The following ENPP6 variants were observed in gnomAD, a reference collection of about 807,000 sequenced individuals.
The protein encoded by ENPP6 is ectonucleotide pyrophosphatase/phosphodiesterase 6, also known as glycerophosphocholine cholinephosphodiesterase ENPP6.
ENPP6 carries 32 observed loss-of-function variants against 42.0 expected under a neutral mutation model. The ratio of observed to expected loss-of-function variants is 0.76; its 90% CI spans 0.58 to 1.02. The LOEUF (loss-of-function observed/expected upper bound fraction) is 1.02. Among genes scored for constraint, ENPP6 ranks in the 50% least tolerant of loss-of-function variants. The pLI is 0.00. For synonymous variants in ENPP6, 213 were observed against 216.0 expected (o/e 0.99, Z 0.12); for missense variants, 552 against 566.8 (o/e 0.97, Z 0.27).
intron 6 of ENPP6, among the ~76,000 whole-genome samples, chr4:184,105,793 A>C (rs1736078397): frequency 6.6e-6 from 1 of 152,242 alleles, no homozygotes; most frequent in South Asian, 2.1e-4. Context: ...TGATCCAGGC[A>C]AGAAAAATTA....
chr4:184,130,482 C>T lies in ENPP6; in HGVS notation c.422-6210G>A, dbSNP rs917014602. 2.6e-5 allele frequency among the ~76,000 whole-genome samples: 2 copies of T among 78,112 alleles called. 1 individual carries two copies. The highest frequency in any genetic ancestry group is 5.8e-5 in the Non-Finnish European group (2 of 34,738). 51.2% of individuals were successfully genotyped at this position (78,112 alleles called of 152,430 possible). A position where few individuals can be genotyped will look rare whatever the true frequency, so the allele number is the denominator to read the frequency against. On this transcript the variant is annotated intron_variant, in intron 2 of 7. Transcript: ENST00000296741. Reference sequence around the variant, plus strand: ...CTGAGGCAGGAGAATGGCGTGAACCCGGGAGGCGGAGCTTGCAGTGAGCCG... The same window carrying T: ...CTGAGGCAGGAGAATGGCGTGAACCTGGGAGGCGGAGCTTGCAGTGAGCCG...
At chr4:184,158,504 A>G (rs1207907636) in intron 1 of ENPP6, among the ~76,000 whole-genome samples, 1 of 152,224 alleles carries the variant, frequency 6.6e-6, no homozygotes, top group African/African-American at 2.4e-5. Flanking sequence ...AAATGAAGGA[A>G]GAAGTGTACA....
chr4:184,131,152 T>A lies in ENPP6; in HGVS notation c.422-6880A>T, dbSNP rs1044175013. ...TCCACCAGCACTTACTTTCTTTCTT[T>A]CTTTCTTTCTTTCTTTCTTTCTTTC... is the stretch of plus-strand genomic sequence containing the variant. On this transcript the variant is annotated intron_variant, in intron 2 of 7. Transcript: ENST00000296741. 3.9e-4 allele frequency among the ~76,000 whole-genome samples: 19 copies of A among 48,228 alleles called. 1 individual carries two copies. Among genetic ancestry groups the A allele is most frequent in the East Asian group, 1.9e-3 (4 of 2,152 alleles). The allele number at this position is 48,228 out of a possible 152,430, so 31.6% of individuals were successfully genotyped here.
chr4:184,211,971 G>C (rs1366872093), intron 1 of ENPP6, among the ~76,000 whole-genome samples: 1 of 147,404 alleles, frequency 6.8e-6, no homozygotes, highest in Non-Finnish European at 1.5e-5. Context: ...CATATAAACA[G>C]AGCCAAAGAC....
chr4:184,123,253 T>C (rs4538530), intron 3 of ENPP6, among the ~76,000 whole-genome samples: 152,259 of 152,266 alleles, frequency 1, 76,126 homozygotes, highest in Middle Eastern at 1. Context: ...CTGAGGCAGT[T>C]TTAGGGACAG....
At chr4:184,166,636 T>C (rs546285726) in intron 1 of ENPP6, among the ~76,000 whole-genome samples, 1 of 152,352 alleles carries the variant, frequency 6.6e-6, no homozygotes, top group East Asian at 1.9e-4. Context: ...AATAATTAAT[T>C]ACTGCATTGA....
chr4:184,149,821 T>C (rs1736993002), intron 2 of ENPP6, among the ~76,000 whole-genome samples: 1 of 152,172 alleles, frequency 6.6e-6, no homozygotes. Context: ...GCCCTGCTTA[T>C]CCAAAGAAAT....
intron 6 of ENPP6, among the ~76,000 whole-genome samples, chr4:184,101,919 C>G (rs4467622): frequency 0.37 from 56,406 of 152,064 alleles, 11,472 homozygotes; most frequent in East Asian, 0.6. Flanking sequence ...GGTGAGAAGC[C>G]GCTGCGAGGG....
chr4:184,168,380 G>A (rs917964688), intron 1 of ENPP6, among the ~76,000 whole-genome samples: 5 of 152,162 alleles, frequency 3.3e-5, no homozygotes, highest in Non-Finnish European at 7.3e-5. Flanking sequence ...GGATGGGGCC[G>A]GACAGTCCAT....
At chr4:184,151,200 T>C (rs1005801880) in intron 2 of ENPP6, among the ~76,000 whole-genome samples, 5 of 152,092 alleles carry the variant, frequency 3.3e-5, no homozygotes, top group Non-Finnish European at 7.4e-5. Flanking sequence ...TAGCCAGGCG[T>C]GGTGGTGCAC....
At chr4:184,193,211 A>G (rs1240581281) in intron 1 of ENPP6, among the ~76,000 whole-genome samples, 2 of 152,254 alleles carry the variant, frequency 1.3e-5, no homozygotes, top group Non-Finnish European at 2.9e-5. Context: ...ATTATTCACA[A>G]TGGCCACAAA....
chr4:184,187,292 G>T (rs1732648031), intron 1 of ENPP6, among the ~76,000 whole-genome samples: 1 of 152,198 alleles, frequency 6.6e-6, no homozygotes, highest in Non-Finnish European at 1.5e-5. Flanking sequence ...GGGTCAGCTT[G>T]GGAGAAGTGA....
At chr4:184,202,687 A>C (rs1247805779) in intron 1 of ENPP6, among the ~76,000 whole-genome samples, 1 of 152,074 alleles carries the variant, frequency 6.6e-6, no homozygotes, top group Non-Finnish European at 1.5e-5. Context: ...TGCTTTTTTC[A>C]GCCTGGGTCC....
chr4:184,161,198 G>GA lies in ENPP6; in HGVS notation c.242-7466dup, dbSNP rs1042172860. Reference sequence around the variant, plus strand: ...ACAAGGAACTCAAACAAATCAGCAAGAAAAAAAAATCCCATGAAAAACTGG... The same window carrying GA: ...ACAAGGAACTCAAACAAATCAGCAAGAAAAAAAAAATCCCATGAAAAACTGG... On this transcript the variant is annotated intron_variant, in intron 1 of 7. Coordinates refer to ENST00000296741, the MANE Select transcript of ENPP6 (RefSeq NM_153343.4). Among the ~76,000 whole-genome samples the GA allele has an allele frequency of 4.1e-4, 61 of 149,382 alleles. No homozygotes were observed. In the East Asian group the frequency reaches 9.0e-3, roughly 22 times the overall value.
chr4:184,206,684 G>T (rs575437930), intron 1 of ENPP6, among the ~76,000 whole-genome samples: 2 of 152,292 alleles, frequency 1.3e-5, no homozygotes, highest in South Asian at 4.1e-4. Context: ...AAAAGGTGGG[G>T]TGGTAGGAAG....
At position 184,185,083 on chromosome 4, in the gene ENPP6, A is replaced by G. The variant is rs1015988863; in HGVS notation, c.242-31350T>C. Among the ~76,000 whole-genome samples the G allele has an allele frequency of 6.2e-4, 94 of 152,218 alleles. 1 individual carries two copies. The highest frequency in any genetic ancestry group is 2.1e-3 in the African/African-American group (89 of 41,464). ...CGATGAATTGTATGAATCCTGAGAT[A>G]AGTAAATATAGCATATTTTACAAAT... On this transcript the variant is annotated intron_variant, in intron 1 of 7. Coordinates refer to ENST00000296741, the MANE Select transcript of ENPP6 (RefSeq NM_153343.4).
At chr4:184,111,677 C>T (rs1033270798) in intron 6 of ENPP6, among the ~76,000 whole-genome samples, 18 of 152,240 alleles carry the variant, frequency 1.2e-4, no homozygotes, top group African/African-American at 4.3e-4. Context: ...CTTCTCAGTT[C>T]CTTGGTGCCA....
intron 1 of ENPP6, among the ~76,000 whole-genome samples, chr4:184,169,112 C>A (rs375679207): frequency 3.9e-5 from 6 of 152,224 alleles, no homozygotes; most frequent in African/African-American, 1.4e-4. Context: ...ACTTTGAACA[C>A]CCCTTTGTTC....
chr4:184,089,005 G>C lies in ENPP6; in HGVS notation c.*2172C>G, dbSNP rs930450777. ...AATTTAATCATTTGAGTATCTCTTA[G>C]GGATTCTTCCTCCACAGTGGAGGAA... is the stretch of plus-strand genomic sequence containing the variant. On this transcript the variant is annotated 3_prime_UTR_variant, in exon 8 of 8. Transcript: ENST00000296741. 2.6e-5 allele frequency: 4 copies of C among 152,126 alleles called. No homozygotes were observed. The highest frequency in any genetic ancestry group is 9.7e-5 in the African/African-American group (4 of 41,432). 9.4% of individuals were successfully genotyped at this position (152,126 alleles called of 1,614,324 possible). A position where few individuals can be genotyped will look rare whatever the true frequency, so the allele number is the denominator to read the frequency against.
Sources: gnomAD v4.1 joint callset for allele counts (sites outside exome capture counted in the v4.1 genomes callset) on GRCh38, gnomAD v4.1.1 for gene constraint, MANE v1.5 for transcripts, NCBI Gene and HGNC (gene_info 2026-07-23, HGNC 2026-07-21) for gene names.